Variants in ATP2C1 observed in about 807,000 individuals in gnomAD.
ATP2C1 encodes ATPase secretory pathway Ca2+ transporting 1, also known as calcium-transporting ATPase type 2C member 1.
In ATP2C1, 31 loss-of-function variants were observed where a neutral mutation model predicts 120.5. The ratio of observed to expected loss-of-function variants is 0.26; its 90% CI spans 0.19 to 0.35. The LOEUF (loss-of-function observed/expected upper bound fraction) is 0.35, where lower values mean the gene tolerates loss of function less well. Ranked by LOEUF, ATP2C1 falls within the 10% of genes least tolerant of loss-of-function variation. The pLI, the probability that ATP2C1 is intolerant of heterozygous loss-of-function variation, is 1.00. For missense variants in ATP2C1, 731 were observed against 1,107.5 expected, an observed-to-expected ratio of 0.66 and a Z score of 4.83; for synonymous variants, 351 against 358.7, an observed-to-expected ratio of 0.98 and a Z score of 0.24.
chr3:130,975,324 C>G lies in ATP2C1; in HGVS notation c.1414-8C>G. 1 of 1,613,476 alleles carries G rather than the reference C, an allele frequency of 6.2e-7. No homozygotes were observed. Among genetic ancestry groups the G allele is most frequent in the Non-Finnish European group, 8.5e-7 (1 of 1,179,590 alleles). ...ATTAAACTTGTGTTTGGTACATTTT[C>G]TTCTTAGGACAGACCAGAGATTTGT... On this transcript the variant is annotated splice_region_variant and splice_polypyrimidine_tract_variant and intron_variant, in intron 17 of 27. Coordinates refer to ENST00000510168, the MANE Select transcript of ATP2C1 (RefSeq NM_001378687.1).
chr3:130,975,626 A>G, intron 18 of ATP2C1, 138 bp downstream of exon 18: 5 of 1,028,728 alleles, frequency 4.9e-6, no homozygotes, highest in Non-Finnish European at 5.8e-6. Flanking sequence ...TGAGGTGTTA[A>G]GTTTTAGTTG....
chr3:130,926,579 C>T (rs944990310), intron 2 of ATP2C1, among the ~76,000 whole-genome samples: 3 of 152,228 alleles, frequency 2.0e-5, no homozygotes, highest in Non-Finnish European at 2.9e-5. Context: ...ATGGTAATAA[C>T]TACCAGTATA....
chr3:130,859,837 G>A (rs2067959223), intron 1 of ATP2C1, among the ~76,000 whole-genome samples: 1 of 152,100 alleles, frequency 6.6e-6, no homozygotes, highest in African/African-American at 2.4e-5. Context: ...CTTTGTCTTT[G>A]AAATAAGCAC....
At chr3:130,876,164 C>T (rs2068597286) in intron 1 of ATP2C1, among the ~76,000 whole-genome samples, 1 of 151,520 alleles carries the variant, frequency 6.6e-6, no homozygotes, top group South Asian at 2.1e-4. Flanking sequence ...ATTTTTGTTC[C>T]CTGTACTCTT....
At chr3:130,853,461 C>T (rs1330013430) in intron 1 of ATP2C1, among the ~76,000 whole-genome samples, 2 of 152,182 alleles carry the variant, frequency 1.3e-5, no homozygotes, top group Non-Finnish European at 2.9e-5. Context: ...AAGTACCAAC[C>T]ATGTTGACTT....
Position 130,979,449 on chromosome 3 carries a change from G to A in ATP2C1, c.1741+30G>A, listed in dbSNP as rs371382509. The A allele has an allele frequency of 1.5e-4, 238 of 1,608,924 alleles. No homozygotes were observed. In the East Asian group the frequency reaches 4.3e-3, roughly 29 times the overall value. ...AACTAGACTGCTTTCTTTTGTTTTCGATAGTTTTTCTTAAAATACTGTGGT... is the reference window on the plus strand; with the variant it reads ...AACTAGACTGCTTTCTTTTGTTTTCAATAGTTTTTCTTAAAATACTGTGGT... On this transcript the variant is annotated intron_variant, in intron 19 of 27. Transcript: ENST00000510168.
At chr3:131,005,802 G>A (rs949612143), downstream of ATP2C1, among the ~76,000 whole-genome samples, 2 of 152,164 alleles carry the variant, frequency 1.3e-5, no homozygotes, top group African/African-American at 4.8e-5. Context: ...AAATGCAGAA[G>A]GACAAGATAA....
At chr3:130,897,009 A>G (rs940707256) in intron 2 of ATP2C1, among the ~76,000 whole-genome samples, 1 of 152,242 alleles carries the variant, frequency 6.6e-6, no homozygotes, top group African/African-American at 2.4e-5. Context: ...GTTGTTGTAA[A>G]CATTCAAACA....
chr3:130,920,120 C>T (rs1179743611), intron 2 of ATP2C1, among the ~76,000 whole-genome samples: 1 of 152,096 alleles, frequency 6.6e-6, no homozygotes, highest in Non-Finnish European at 1.5e-5. Context: ...CAAATATTTT[C>T]TCTCATTCCG....
chr3:130,953,076 C>CGTATGTAT lies in ATP2C1; in HGVS notation c.532-712_532-705dup, dbSNP rs10576619. On this transcript the variant is annotated intron_variant, in intron 8 of 27. Coordinates refer to ENST00000510168, the MANE Select transcript of ATP2C1 (RefSeq NM_001378687.1). ...GCCCTAGTCCTCTCCCTCACTTGTT[C>CGTATGTAT]GTATGTATGTATGTATGTATGTATG... Among the ~76,000 whole-genome samples, 1,372 of 149,326 alleles carry CGTATGTAT rather than the reference C, an allele frequency of 9.2e-3. 4 individuals carry two copies. Among genetic ancestry groups the CGTATGTAT allele is most frequent in the African/African-American group, 0.013 (513 of 40,660 alleles).
chr3:130,990,515 G>A (rs1343907019), intron 20 of ATP2C1, among the ~76,000 whole-genome samples: 1 of 152,082 alleles, frequency 6.6e-6, no homozygotes, highest in African/African-American at 2.4e-5. Flanking sequence ...AATGATAGGA[G>A]TGCAGTGAGG....
rs145083313 is a variant in ATP2C1 at position 130,990,730 on chromosome 3, T to C, written c.1840-2221T>C. Among the ~76,000 whole-genome samples, 358 of 151,974 alleles carry C rather than the reference T, an allele frequency of 2.4e-3. 1 individual carries two copies. The highest frequency in any genetic ancestry group is 8.4e-3 in the African/African-American group (347 of 41,440). The stretch of plus-strand genomic sequence containing the variant: ...TCAGTTTGGAGGTATTGGCCCAGAG[T>C]GTGGGCAATGGTTTTGGAGTAAGGT... On this transcript the variant is annotated intron_variant, in intron 20 of 27. Coordinates refer to ENST00000510168, the MANE Select transcript of ATP2C1 (RefSeq NM_001378687.1).
At chr3:130,952,145 C>G (rs1015893165) in intron 8 of ATP2C1, among the ~76,000 whole-genome samples, 1 of 152,106 alleles carries the variant, frequency 6.6e-6, no homozygotes, top group Non-Finnish European at 1.5e-5. Context: ...AAATGTGGCT[C>G]TATCTTTATT....
At chr3:130,879,975 T>C (rs2068730982) in intron 1 of ATP2C1, among the ~76,000 whole-genome samples, 1 of 152,220 alleles carries the variant, frequency 6.6e-6, no homozygotes, top group South Asian at 2.1e-4. Context: ...GCAGAAGTGA[T>C]AGTGAACCCT....
At position 130,930,412 on chromosome 3, in the gene ATP2C1, C is replaced by G. The variant is rs2059403719; in HGVS notation, c.7-4C>G. 6.3e-7 allele frequency: 1 copy of G among 1,580,590 alleles called. No homozygotes were observed. Among genetic ancestry groups the G allele is most frequent in the South Asian group, 1.1e-5 (1 of 90,370 alleles). On this transcript the variant is annotated splice_polypyrimidine_tract_variant and splice_region_variant and intron_variant, in intron 2 of 27. Coordinates refer to ENST00000510168, the MANE Select transcript of ATP2C1 (RefSeq NM_001378687.1). ...AATATTTTTTCTTTGGTTTTACTTC[C>G]TAGGTTGCACGTTTTCAAAAAATAC...
chr3:130,929,043 T>C (rs1459221962), intron 2 of ATP2C1, among the ~76,000 whole-genome samples: 1 of 152,176 alleles, frequency 6.6e-6, no homozygotes, highest in African/African-American at 2.4e-5. Context: ...TTTGTAAAAT[T>C]CCTAATCTTT....
At position 130,894,384 on chromosome 3, in the gene ATP2C1, G is replaced by A. The variant is rs1011938121; in HGVS notation, c.-181+47G>A. Reference sequence around the variant, plus strand: ...TGCCCCCATTTCTAGAAACTTCCAGGTTCTGAAGGAAGGGGAGGTTCGGGT... The same window carrying A: ...TGCCCCCATTTCTAGAAACTTCCAGATTCTGAAGGAAGGGGAGGTTCGGGT... On this transcript the variant is annotated intron_variant, in intron 1 of 27. Coordinates refer to ENST00000510168, the MANE Select transcript of ATP2C1 (RefSeq NM_001378687.1). The surrounding 1 kb of genome is among the most constrained non-coding windows in gnomAD (Gnocchi z 4.5). The A allele has an allele frequency of 9.7e-6, 11 of 1,138,822 alleles. No homozygotes were observed. In the African/African-American group the frequency reaches 1.4e-4, roughly 15 times the overall value. 70.5% of individuals were successfully genotyped at this position (1,138,822 alleles called of 1,614,324 possible). A position where few individuals can be genotyped will look rare whatever the true frequency, so the allele number is the denominator to read the frequency against.
intron 1 of ATP2C1, among the ~76,000 whole-genome samples, chr3:130,882,222 TTTTC>T (rs2068808305): frequency 6.6e-6 from 1 of 151,202 alleles, no homozygotes; most frequent in Non-Finnish European, 1.5e-5. Flanking sequence ...CTTTTTTTTT[TTTTC>T]TCACTCTGTT....
rs183938104 is a variant in ATP2C1 at position 130,956,912 on chromosome 3, G to T, written c.832+733G>T. ...TTTCTTGTGTCTTGAGTCTTAGATT[G>T]ATAAAAGCTTTTTATATGACTAGAT... On this transcript the variant is annotated intron_variant, in intron 11 of 27. Coordinates refer to ENST00000510168, the MANE Select transcript of ATP2C1 (RefSeq NM_001378687.1). 3.8e-4 allele frequency among the ~76,000 whole-genome samples: 58 copies of T among 152,176 alleles called. No homozygotes were observed. The East Asian group carries it at 0.011, about 28-fold the overall frequency.
Sources: allele counts gnomAD v4.1 joint callset (sites outside exome capture counted in the v4.1 genomes callset), GRCh38; gene constraint gnomAD v4.1.1; non-coding constraint Gnocchi (gnomAD v3.1); transcripts MANE v1.5; gene names NCBI Gene and HGNC (gene_info 2026-07-23, HGNC 2026-07-21).